The following PTPRD variants were observed in gnomAD, a reference collection of about 807,000 sequenced individuals.
The protein encoded by PTPRD is protein tyrosine phosphatase receptor type D.
In PTPRD, 34 loss-of-function variants were observed where a neutral mutation model predicts 214.5. The ratio of observed to expected loss-of-function variants is 0.16; its 90% CI spans 0.12 to 0.21. PTPRD has a LOEUF of 0.21. PTPRD is among the 10% of genes least tolerant of loss of function. PTPRD has a pLI of 1.00. For missense variants in PTPRD, 2,545 were observed against 2,398.7 expected (o/e 1.06, Z -1.27); for synonymous variants, 1,128 against 845.7 (o/e 1.33, Z -5.79).
intron 9 of PTPRD, among the ~76,000 whole-genome samples, chr9:9,198,438 C>T (rs2099939920): frequency 6.6e-6 from 1 of 151,832 alleles, no homozygotes; most frequent in South Asian, 2.1e-4. Context: ...ATTTACTTAA[C>T]ATGGACTCAC....
intron 9 of PTPRD, among the ~76,000 whole-genome samples, chr9:9,264,348 AC>A (rs1239429243): frequency 4.0e-5 from 6 of 151,690 alleles, no homozygotes; most frequent in African/African-American, 1.5e-4. Context: ...ATAACAAAGA[AC>A]CAAACAAATT....
chr9:9,883,583 A>T (rs2069609009), intron 5 of PTPRD, among the ~76,000 whole-genome samples: 1 of 152,166 alleles, frequency 6.6e-6, no homozygotes, highest in Non-Finnish European at 1.5e-5. Context: ...AGAATAGATC[A>T]TCTTTTACCA....
At chr9:8,882,335 T>C (rs1329797045) in intron 11 of PTPRD, among the ~76,000 whole-genome samples, 2 of 152,158 alleles carry the variant, frequency 1.3e-5, no homozygotes, top group Non-Finnish European at 2.9e-5. Context: ...CTTCTTGTTT[T>C]ACAGATTGCA....
At position 8,479,409 on chromosome 9, in the gene PTPRD, A is replaced by G. The variant is rs2096833761; in HGVS notation, c.3413+4710T>C. Among the ~76,000 whole-genome samples, 4 of 152,206 alleles carry G rather than the reference A, an allele frequency of 2.6e-5. No homozygotes were observed. In the South Asian group the frequency reaches 8.3e-4, roughly 32 times the overall value. ...TTTATTCATTCCTAGAAAACAAAAAATGTCCAAAATAGTTTGCTTTCTTTT... is the reference window on the plus strand; with the variant it reads ...TTTATTCATTCCTAGAAAACAAAAAGTGTCCAAAATAGTTTGCTTTCTTTT... On this transcript the variant is annotated intron_variant, in intron 30 of 45. Transcript: ENST00000381196.
intron 11 of PTPRD, among the ~76,000 whole-genome samples, chr9:8,913,712 T>A (rs2098764361): frequency 6.6e-6 from 1 of 152,100 alleles, no homozygotes; most frequent in Non-Finnish European, 1.5e-5. Flanking sequence ...GTCTTCCAAA[T>A]GAAGAGTGAC....
chr9:9,068,818 G>A (rs573683444), intron 10 of PTPRD, among the ~76,000 whole-genome samples: 8 of 152,082 alleles, frequency 5.3e-5, no homozygotes, highest in East Asian at 1.9e-4. Flanking sequence ...CACTATGTTG[G>A]CCAGGATGGT....
chr9:8,321,979 T>A (rs1157062954), intron 44 of PTPRD, among the ~76,000 whole-genome samples: 3 of 151,990 alleles, frequency 2.0e-5, no homozygotes, highest in Non-Finnish European at 4.4e-5. Flanking sequence ...CTTGTAATAT[T>A]TCAAATTTTT....
chr9:10,448,142 G>T (rs1175514459), intron 2 of PTPRD, among the ~76,000 whole-genome samples: 2 of 151,946 alleles, frequency 1.3e-5, no homozygotes, highest in Admixed American at 1.3e-4. Context: ...AAGTCTTTTC[G>T]AGTCTTAAGA....
chr9:9,948,709 A>G (rs2093098220), intron 4 of PTPRD, among the ~76,000 whole-genome samples: 1 of 152,074 alleles, frequency 6.6e-6, no homozygotes, highest in Non-Finnish European at 1.5e-5. Flanking sequence ...ATCCAATGGC[A>G]GTAATTCTAG....
chr9:9,874,818 T>C (rs1565929421), intron 5 of PTPRD, among the ~76,000 whole-genome samples: 1 of 152,174 alleles, frequency 6.6e-6, no homozygotes, highest in South Asian at 2.1e-4. Flanking sequence ...GATCTAAACC[T>C]TAATATTTTG....
intron 2 of PTPRD, among the ~76,000 whole-genome samples, chr9:10,534,904 T>A (rs1404805681): frequency 6.6e-6 from 1 of 152,202 alleles, no homozygotes; most frequent in Non-Finnish European, 1.5e-5. Flanking sequence ...AAAGGAACTA[T>A]TTGACCATTG....
At chr9:9,313,073 T>C (rs941910643) in intron 9 of PTPRD, among the ~76,000 whole-genome samples, 1 of 152,124 alleles carries the variant, frequency 6.6e-6, no homozygotes, top group African/African-American at 2.4e-5. Flanking sequence ...ATTTGATGCA[T>C]TTGGGGTCTT....
At chr9:8,534,231 G>C (rs1295331700) in intron 14 of PTPRD, among the ~76,000 whole-genome samples, 1 of 151,904 alleles carries the variant, frequency 6.6e-6, no homozygotes, top group African/African-American at 2.4e-5. Flanking sequence ...CTACGTGTCA[G>C]AAGCATGACC....
At chr9:8,436,187 C>T (rs1430019469) in intron 35 of PTPRD, among the ~76,000 whole-genome samples, 1 of 151,530 alleles carries the variant, frequency 6.6e-6, no homozygotes, top group Non-Finnish European at 1.5e-5. Flanking sequence ...TGGTGATTAC[C>T]AATGGAGGGC....
intron 9 of PTPRD, among the ~76,000 whole-genome samples, chr9:9,221,349 C>T (rs765301952): frequency 2.0e-5 from 3 of 152,134 alleles, no homozygotes; most frequent in African/African-American, 7.2e-5. Flanking sequence ...AACTTTACTT[C>T]CTCAGGTAAA....
At chr9:9,553,598 AC>A (rs768653170) in intron 8 of PTPRD, among the ~76,000 whole-genome samples, 47 of 152,018 alleles carry the variant, frequency 3.1e-4, no homozygotes, top group Middle Eastern at 3.2e-3. Context: ...CAGTATGGAT[AC>A]CCCTTACTTA....
intron 2 of PTPRD, among the ~76,000 whole-genome samples, chr9:10,510,342 T>C (rs2784591): frequency 0.18 from 27,980 of 152,034 alleles, 3,059 homozygotes; most frequent in Admixed American, 0.33. Flanking sequence ...CTTTTTATAG[T>C]ACACAGCTTT....
intron 10 of PTPRD, among the ~76,000 whole-genome samples, chr9:9,153,078 A>G (rs2154489698): frequency 6.6e-6 from 1 of 152,242 alleles, no homozygotes; most frequent in African/African-American, 2.4e-5. Flanking sequence ...TTAGTCTATA[A>G]ATGACATTCT....
chr9:8,986,680 TA>T (rs1489075433), intron 11 of PTPRD, among the ~76,000 whole-genome samples: 2 of 152,208 alleles, frequency 1.3e-5, no homozygotes, highest in Middle Eastern at 3.4e-3. Flanking sequence ...ACAAATTTTG[TA>T]AAAACTTTGA....
Sources: allele counts gnomAD v4.1 joint callset (sites outside exome capture counted in the v4.1 genomes callset), GRCh38; gene constraint gnomAD v4.1.1; transcripts MANE v1.5; gene names NCBI Gene and HGNC (gene_info 2026-07-23, HGNC 2026-07-21).